Variants in COG2 observed in about 807,000 individuals in gnomAD.
The protein encoded by COG2 is conserved oligomeric Golgi complex subunit 2.
A neutral mutation model predicts 90.6 loss-of-function variants in COG2; 52 were observed. The ratio of observed to expected loss-of-function variants is 0.57; its 90% CI spans 0.46 to 0.72. The LOEUF (loss-of-function observed/expected upper bound fraction) is 0.72. COG2 is among the 30% of genes least tolerant of loss of function. COG2 has a pLI of 0.00. For synonymous variants in COG2, 337 were observed against 320.4 expected (o/e 1.05, Z -0.55); for missense variants, 829 against 891.2 (o/e 0.93, Z 0.89).
intron 1 of COG2, among the ~76,000 whole-genome samples, chr1:230,651,933 C>T (rs1212245353): frequency 6.6e-6 from 1 of 152,174 alleles, no homozygotes; most frequent in East Asian, 1.9e-4. Context: ...CCCCTCCTGC[C>T]TCCCCCTTCA....
intron 3 of COG2, among the ~76,000 whole-genome samples, chr1:230,662,578 C>T (rs1662205745): frequency 6.6e-6 from 1 of 152,160 alleles, no homozygotes; most frequent in African/African-American, 2.4e-5. Flanking sequence ...CCCAAAACAA[C>T]TTTTTCATGA....
At chr1:230,689,911 T>G in intron 15 of COG2, 103 bp from the exon 16 acceptor site, 1 of 1,196,076 alleles carries the variant, frequency 8.4e-7, no homozygotes, top group Non-Finnish European at 1.2e-6. Context: ...GTCTCAAAAC[T>G]AGAACGTTAA....
Position 230,659,509 on chromosome 1 carries a change from G to A in COG2, c.118G>A (p.Val40Ile). 1 of 1,613,978 alleles carries A rather than the reference G, an allele frequency of 6.2e-7. No individual in the cohort carries two copies. The highest frequency in any genetic ancestry group is 8.5e-7 in the Non-Finnish European group (1 of 1,179,872). Reference sequence around the variant, plus strand: ...TTTTGTGTCTGACTGTAGGAAGCGGGTCCAGCTGGAAGAACTGAGAGATGA... The same window carrying A: ...TTTTGTGTCTGACTGTAGGAAGCGGATCCAGCTGGAAGAACTGAGAGATGA... ...DHFVSDCRKRVQLEELRDDLE... is the reference protein window; with the variant it reads ...DHFVSDCRKRIQLEELRDDLE... The change falls in exon 2 of 18, where the codon GTC (valine) becomes ATC (isoleucine). Residue 40 changes from valine (V) to isoleucine (I), a missense_variant. Transcript: ENST00000366669.
intron 5 of COG2, among the ~76,000 whole-genome samples, chr1:230,667,104 G>A (rs1484886272): frequency 6.6e-6 from 1 of 152,156 alleles, no homozygotes; most frequent in African/African-American, 2.4e-5. Context: ...GGTGAGACTG[G>A]AACTGTTGAT....
chr1:230,659,341 C>T (rs886428951), intron 1 of COG2, 123 bp from the exon 2 acceptor site: 1 of 785,454 alleles, frequency 1.3e-6, no homozygotes, highest in African/African-American at 1.7e-5. Flanking sequence ...ATACTTTCTT[C>T]CTGCAGCAGC....
intron 1 of COG2, among the ~76,000 whole-genome samples, chr1:230,656,930 T>G (rs1662070286): frequency 1.3e-5 from 2 of 152,238 alleles, no homozygotes; most frequent in African/African-American, 2.4e-5. Context: ...TTGGTAAATA[T>G]TCCTCCATCC....
At chr1:230,643,125 A>G (rs1661670282) in intron 1 of COG2, 1 of 157,778 alleles carries the variant, frequency 6.3e-6, no homozygotes, top group South Asian at 2.0e-4. Flanking sequence ...AGTTTTGCTT[A>G]ACATTCAGCT....
chr1:230,642,553 G>GC lies in COG2; in HGVS notation c.-52dup, dbSNP rs1037407783. 2.7e-5 allele frequency: 43 copies of GC among 1,565,106 alleles called. No homozygotes were observed. Among genetic ancestry groups the GC allele is most frequent in the African/African-American group, 6.8e-5 (5 of 73,984 alleles). ...CGCGGCCGCCGAGTCGGTCTGCGCA[G>GC]CCTCCTGCGTTTTCTCGCTTGGATC... On this transcript the variant is annotated 5_prime_UTR_variant, in exon 1 of 18. An upstream open reading frame in the 5' UTR loses its in-frame stop. Coordinates refer to ENST00000366669, the MANE Select transcript of COG2 (RefSeq NM_007357.3).
intron 9 of COG2, chr1:230,678,519 CTCTT>C (rs1662654073): frequency 2.0e-6 from 2 of 985,352 alleles, no homozygotes; most frequent in East Asian, 1.1e-4. Context: ...TCTCTTCTCT[CTCTT>C]TCTTCTTCAG....
Position 230,668,661 on chromosome 1 carries a change from T to C in COG2, c.486-15T>C, listed in dbSNP as rs1304020868. On this transcript the variant is annotated splice_polypyrimidine_tract_variant and intron_variant, in intron 5 of 17. Coordinates refer to ENST00000366669, the MANE Select transcript of COG2 (RefSeq NM_007357.3). The stretch of plus-strand genomic sequence containing the variant: ...ACCTTAGGGGTTACACTTCTATAAC[T>C]GTTTTCTCTACTAGCCCCCTTTTGA... The C allele has an allele frequency of 6.5e-7, 1 of 1,539,378 alleles. No individual in the cohort carries two copies. The highest frequency in any genetic ancestry group is 1.7e-5 in the Admixed American group (1 of 58,854).
At chr1:230,650,502 C>G (rs1199372311) in intron 1 of COG2, among the ~76,000 whole-genome samples, 1 of 152,098 alleles carries the variant, frequency 6.6e-6, no homozygotes, top group African/African-American at 2.4e-5. Flanking sequence ...TGTATGTCTT[C>G]TTTTGAGAAA....
intron 8 of COG2, among the ~76,000 whole-genome samples, chr1:230,673,954 G>A (rs1276727217): frequency 6.6e-6 from 1 of 152,084 alleles, no homozygotes; most frequent in African/African-American, 2.4e-5. Flanking sequence ...GTTTTGACAT[G>A]GCAACTTAGC....
chr1:230,653,738 C>T (rs145332296), intron 1 of COG2, among the ~76,000 whole-genome samples: 25 of 152,170 alleles, frequency 1.6e-4, no homozygotes, highest in African/African-American at 6.0e-4. Flanking sequence ...AGTTCAAGAT[C>T]AAGAGGCCGC....
intron 8 of COG2, among the ~76,000 whole-genome samples, chr1:230,674,695 A>C (rs1662541929): frequency 6.6e-6 from 1 of 152,126 alleles, no homozygotes; most frequent in African/African-American, 2.4e-5. Context: ...AGGAGTATAA[A>C]GGGGTTGGGA....
chr1:230,691,627 T>TA, intron 17 of COG2, 63 bp downstream of exon 17: 1 of 1,473,636 alleles, frequency 6.8e-7, no homozygotes, highest in Non-Finnish European at 9.3e-7. Flanking sequence ...GCCGGGCAGT[T>TA]ACTTGGTGGC....
chr1:230,644,451 C>T (rs1661711131), intron 1 of COG2, among the ~76,000 whole-genome samples: 1 of 152,180 alleles, frequency 6.6e-6, no homozygotes, highest in African/African-American at 2.4e-5. Context: ...ATGTTTGTGT[C>T]TCATTCAGCA....
intron 1 of COG2, 115 bp downstream of exon 1, chr1:230,642,793 C>T: frequency 2.0e-6 from 2 of 984,880 alleles, no homozygotes; most frequent in Non-Finnish European, 1.5e-6. Context: ...GTGTCAGGTC[C>T]TCCGCCGAGA....
chr1:230,670,501 A>G (rs1662422427), intron 7 of COG2: 1 of 152,186 alleles, frequency 6.6e-6, no homozygotes. Context: ...CCTTGTTAAG[A>G]TTACTAAAAA....
intron 1 of COG2, among the ~76,000 whole-genome samples, chr1:230,650,844 T>C (rs1361087204): frequency 1.3e-5 from 2 of 152,210 alleles, no homozygotes; most frequent in African/African-American, 2.4e-5. Flanking sequence ...CACATTTAAG[T>C]TTTTAATCCA....
Sources: gnomAD v4.1 joint callset for allele counts (sites outside exome capture counted in the v4.1 genomes callset) on GRCh38, gnomAD v4.1.1 for gene constraint, MANE v1.5 for transcripts, NCBI Gene and HGNC (gene_info 2026-07-23, HGNC 2026-07-21) for gene names.